ATF7IP: variants seen among roughly 807,000 people sequenced by gnomAD.
ATF7IP encodes activating transcription factor 7 interacting protein, also known as activating transcription factor 7-interacting protein 1.
Under a neutral mutation model 106.4 loss-of-function variants are expected in ATF7IP, and 23 were observed. That is an observed-to-expected ratio of 0.22 (90% CI 0.16 to 0.31). ATF7IP has a LOEUF of 0.31. Ranked by LOEUF, ATF7IP falls within the 10% of genes least tolerant of loss-of-function variation. ATF7IP has a pLI of 1.00. For synonymous variants in ATF7IP, 542 were observed against 539.0 expected (o/e 1.01, Z -0.08); for missense variants, 1,334 against 1,524.3 (o/e 0.88, Z 2.08).
intron 5 of ATF7IP, among the ~76,000 whole-genome samples, 175 bp from the exon 6 acceptor site, chr12:14,446,813 T>C (rs929457106): frequency 2.6e-5 from 4 of 152,188 alleles, no homozygotes; most frequent in African/African-American, 7.2e-5. Flanking sequence ...GTTTTAGTCA[T>C]AACTGTATTT....
intron 11 of ATF7IP, 182 bp downstream of exon 11, chr12:14,476,150 T>C: frequency 1.9e-6 from 1 of 515,882 alleles, no homozygotes; most frequent in Non-Finnish European, 3.4e-6. Flanking sequence ...GTCTCACACC[T>C]GTAATCCCAG....
At chr12:14,466,732 TA>T (rs1162623989) in intron 10 of ATF7IP, 142 bp downstream of exon 10, 1 of 691,120 alleles carries the variant, frequency 1.4e-6, no homozygotes, top group Non-Finnish European at 2.4e-6. Flanking sequence ...AGCTTCTCTG[TA>T]ATGTTTGACA....
intron 9 of ATF7IP, among the ~76,000 whole-genome samples, chr12:14,463,182 G>T (rs1334800161): frequency 6.6e-6 from 1 of 151,838 alleles, no homozygotes; most frequent in Non-Finnish European, 1.5e-5. Flanking sequence ...AATTAATTAG[G>T]TTATATAATT....
intron 1 of ATF7IP, among the ~76,000 whole-genome samples, chr12:14,405,622 G>A (rs7958033): frequency 0.44 from 66,877 of 151,452 alleles, 14,897 homozygotes; most frequent in Admixed American, 0.52. Context: ...TCACTATGTT[G>A]TCCAGGCTCA....
chr12:14,489,650 T>C (rs1944742601), intron 13 of ATF7IP, among the ~76,000 whole-genome samples: 2 of 152,116 alleles, frequency 1.3e-5, no homozygotes, highest in South Asian at 2.1e-4. Context: ...ACTTGCAAAG[T>C]ATTGTCACCT....
chr12:14,379,103 G>C (rs574116650), intron 1 of ATF7IP, among the ~76,000 whole-genome samples: 1 of 152,254 alleles, frequency 6.6e-6, no homozygotes, highest in South Asian at 2.1e-4. Context: ...GTGGGGCCTC[G>C]TGGGAGATAA....
At chr12:14,493,512 A>G (rs1944898234) in intron 13 of ATF7IP, among the ~76,000 whole-genome samples, 1 of 152,166 alleles carries the variant, frequency 6.6e-6, no homozygotes, top group South Asian at 2.1e-4. Flanking sequence ...TTCTTCAGAC[A>G]AAGTTGGAAA....
intron 2 of ATF7IP, among the ~76,000 whole-genome samples, chr12:14,429,603 GA>G (rs1375197874): frequency 1.3e-5 from 2 of 152,128 alleles, no homozygotes; most frequent in Non-Finnish European, 2.9e-5. Context: ...TGATGCTAAT[GA>G]GGATAATTAC....
intron 1 of ATF7IP, among the ~76,000 whole-genome samples, chr12:14,423,292 A>G (rs1307630874): frequency 2.6e-5 from 4 of 152,094 alleles, no homozygotes; most frequent in African/African-American, 9.7e-5. Context: ...CTATATAAAT[A>G]TATATTCTGT....
intron 2 of ATF7IP, among the ~76,000 whole-genome samples, chr12:14,429,527 A>G (rs1329414762): frequency 2.0e-5 from 3 of 152,182 alleles, no homozygotes; most frequent in East Asian, 3.8e-4. Flanking sequence ...TAAAATAAAA[A>G]TCTGTGGTTG....
At chr12:14,415,141 T>C (rs529252289) in intron 1 of ATF7IP, among the ~76,000 whole-genome samples, 6 of 152,120 alleles carry the variant, frequency 3.9e-5, no homozygotes, top group Non-Finnish European at 8.8e-5. Flanking sequence ...CTTATCTGCA[T>C]AGGGATAGTA....
chr12:14,401,477 G>A (rs1369679737), intron 1 of ATF7IP, among the ~76,000 whole-genome samples: 6 of 152,154 alleles, frequency 3.9e-5, no homozygotes, highest in African/African-American at 7.2e-5. Flanking sequence ...GATTAGTGGC[G>A]TGAGCCATCG....
intron 1 of ATF7IP, among the ~76,000 whole-genome samples, chr12:14,397,575 G>A (rs1253260499): frequency 1.3e-5 from 2 of 152,056 alleles, no homozygotes; most frequent in Non-Finnish European, 1.5e-5. Context: ...AGATGAAGTT[G>A]CCTTTCATTA....
intron 13 of ATF7IP, among the ~76,000 whole-genome samples, chr12:14,483,595 A>T (rs1263089435): frequency 6.6e-6 from 1 of 152,100 alleles, no homozygotes; most frequent in Admixed American, 6.5e-5. Context: ...TTGCTAGTGG[A>T]TCCCTAGGGG....
chr12:14,418,981 A>T (rs1941350997), intron 1 of ATF7IP, among the ~76,000 whole-genome samples: 1 of 152,178 alleles, frequency 6.6e-6, no homozygotes, highest in Non-Finnish European at 1.5e-5. Flanking sequence ...AATACCAAAG[A>T]GGAATTTGTC....
At chr12:14,450,435 G>A (rs1358869159) in intron 6 of ATF7IP, among the ~76,000 whole-genome samples, 1 of 152,064 alleles carries the variant, frequency 6.6e-6, no homozygotes, top group Admixed American at 6.6e-5. Flanking sequence ...ATGATCATGT[G>A]GGTTTTGTCC....
Position 14,436,731 on chromosome 12 carries a change from A to G in ATF7IP, c.1791+480A>G, listed in dbSNP as rs535291620. Among the ~76,000 whole-genome samples the G allele has an allele frequency of 7.2e-5, 11 of 152,028 alleles. No homozygotes were observed. In the East Asian group the frequency reaches 1.7e-3, roughly 24 times the overall value. ...TAAATAAATAAATAAGTCTATTACTATCCTTGATAATTTAATTTTAAAATT... is the reference window on the plus strand; with the variant it reads ...TAAATAAATAAATAAGTCTATTACTGTCCTTGATAATTTAATTTTAAAATT... On this transcript the variant is annotated intron_variant, in intron 4 of 14. Transcript: ENST00000261168.
At chr12:14,450,057 A>G (rs1473776973) in intron 6 of ATF7IP, among the ~76,000 whole-genome samples, 1 of 152,132 alleles carries the variant, frequency 6.6e-6, no homozygotes, top group Non-Finnish European at 1.5e-5. Flanking sequence ...CTGAGTTTAC[A>G]TATGTTTGAA....
intron 11 of ATF7IP, 62 bp from the exon 12 acceptor site, chr12:14,478,255 G>T: frequency 6.5e-7 from 1 of 1,542,176 alleles, no homozygotes; most frequent in East Asian, 2.3e-5. Flanking sequence ...GTCCATAGAG[G>T]AAAGACTTGT....
Sources: allele counts gnomAD v4.1 joint callset (sites outside exome capture counted in the v4.1 genomes callset), GRCh38; gene constraint gnomAD v4.1.1; transcripts MANE v1.5; gene names NCBI Gene and HGNC (gene_info 2026-07-23, HGNC 2026-07-21).